The following NGFR variants were observed in gnomAD, a reference collection of about 807,000 sequenced individuals.
The protein encoded by NGFR is nerve growth factor receptor.
In NGFR, 30 loss-of-function variants were observed where a neutral mutation model predicts 43.2. That is an observed-to-expected ratio of 0.69 (90% CI 0.52 to 0.94). The LOEUF is 0.94. Among genes scored for constraint, NGFR ranks in the 40% least tolerant of loss-of-function variants. The probability of loss-of-function intolerance (pLI) is 0.00; values close to 1 mark genes in which losing one functional copy is unlikely to be tolerated. For missense variants in NGFR, 529 were observed against 602.5 expected (o/e 0.88, Z 1.28); for synonymous variants, 246 against 259.6 (o/e 0.95, Z 0.50).
intron 1 of NGFR, chr17:49,496,228 CGAGAA>C (rs2071137388): frequency 6.6e-6 from 1 of 152,314 alleles, no homozygotes; most frequent in African/African-American, 2.4e-5. Context: ...GACAGTGAGA[CGAGAA>C]GAGAGAGCAG....
intron 1 of NGFR, 25 bp from the exon 2 acceptor site, chr17:49,502,038 G>A: frequency 8.1e-7 from 1 of 1,241,966 alleles, no homozygotes; most frequent in Non-Finnish European, 1.0e-6. Flanking sequence ...TTGCCAGTCT[G>A]ACCCTCCGAT....
At chr17:49,503,094 A>G (rs1014271374) in intron 2 of NGFR, among the ~76,000 whole-genome samples, 2 of 152,004 alleles carry the variant, frequency 1.3e-5, no homozygotes, top group Non-Finnish European at 2.9e-5. Flanking sequence ...TAATTCTTGT[A>G]TTTGTAGTAG....
chr17:49,495,673 T>G lies in NGFR; in HGVS notation c.66+190T>G. 2.1e-6 allele frequency: 1 copy of G among 466,262 alleles called. No homozygotes were observed. The highest frequency in any genetic ancestry group is 2.0e-5 in the African/African-American group (1 of 49,626). The allele number at this position is 466,262 out of a possible 1,614,324, so 28.9% of individuals were successfully genotyped here. A position where few individuals can be genotyped will look rare whatever the true frequency, so the allele number is the denominator to read the frequency against. Reference sequence around the variant, plus strand: ...GGTTCCCGGAGCGCAGAGGCGACTCTCCAGGGTGGAGATGAGGGCAAGACC... The same window carrying G: ...GGTTCCCGGAGCGCAGAGGCGACTCGCCAGGGTGGAGATGAGGGCAAGACC... On this transcript the variant is annotated intron_variant, in intron 1 of 5. Coordinates refer to ENST00000172229, the MANE Select transcript of NGFR (RefSeq NM_002507.4). This position sits in a 1 kb window ranked among gnomAD's most constrained non-coding sequence, Gnocchi z 6.4.
At chr17:49,501,692 A>C (rs898981776) in intron 1 of NGFR, among the ~76,000 whole-genome samples, 3 of 152,172 alleles carry the variant, frequency 2.0e-5, no homozygotes, top group Non-Finnish European at 1.5e-5. Flanking sequence ...GCCCTGTGCA[A>C]GCTACAACCT....
At position 49,508,537 on chromosome 17, in the gene NGFR, G is replaced by A. The variant is rs189967008; in HGVS notation, c.569-1875G>A. ...GTTTTGTTGCCCCCTCCCCTCCAGCGTACCATACTTTCCCCGCATTTACTT... is the reference window on the plus strand; with the variant it reads ...GTTTTGTTGCCCCCTCCCCTCCAGCATACCATACTTTCCCCGCATTTACTT... On this transcript the variant is annotated intron_variant, in intron 3 of 5. Transcript: ENST00000172229. 5.0e-3 allele frequency among the ~76,000 whole-genome samples: 763 copies of A among 152,212 alleles called. 10 individuals are homozygous for A. Among genetic ancestry groups the A allele is most frequent in the Non-Finnish European group, 6.1e-3 (414 of 68,010 alleles).
chr17:49,497,249 G>A (rs1225337854), intron 1 of NGFR: 1 of 152,332 alleles, frequency 6.6e-6, no homozygotes, highest in African/African-American at 2.4e-5. Context: ...TCCGGGTGCG[G>A]GCCCCAGCCC....
rs969318368 is a variant in NGFR at position 49,513,073 on chromosome 17, T to C, written c.*64T>C. The C allele has an allele frequency of 3.5e-6, 5 of 1,436,614 alleles. No homozygotes were observed. In the African/African-American group the frequency reaches 7.1e-5, roughly 20 times the overall value. The allele number at this position is 1,436,614 out of a possible 1,614,324, so 89.0% of individuals were successfully genotyped here. A position where few individuals can be genotyped will look rare whatever the true frequency, so the allele number is the denominator to read the frequency against. ...CAACCGATGCTCCAGCCAACCCCTG[T>C]GGAGCCCGCACCCCCACCCTTTGGG... On this transcript the variant is annotated 3_prime_UTR_variant, in exon 6 of 6. Coordinates refer to ENST00000172229, the MANE Select transcript of NGFR (RefSeq NM_002507.4).
At chr17:49,505,648 C>T (rs2071192133) in intron 2 of NGFR, 1 of 152,364 alleles carries the variant, frequency 6.6e-6, no homozygotes. Context: ...TGAGTGTGGG[C>T]TAAGAGCCAG....
intron 1 of NGFR, 64 bp from the exon 2 acceptor site, chr17:49,501,999 A>AT: frequency 1.5e-5 from 5 of 330,984 alleles, no homozygotes; most frequent in Admixed American, 3.5e-5. Context: ...TCCCCGGAAG[A>AT]ACCCCCCCCA....
At position 49,510,317 on chromosome 17, in the gene NGFR, C is replaced by G. The variant is rs1015740349; in HGVS notation, c.569-95C>G. The G allele has an allele frequency of 1.9e-6, 3 of 1,539,368 alleles. No homozygotes were observed. In the African/African-American group the frequency reaches 4.1e-5, roughly 21 times the overall value. On this transcript the variant is annotated intron_variant, in intron 3 of 5. Coordinates refer to ENST00000172229, the MANE Select transcript of NGFR (RefSeq NM_002507.4). ...AGCTGGGCACAAGAGCACCTGGAGC[C>G]AGGGCGGGGACACAGGAAGAACACG...
At chr17:49,496,575 AG>A in intron 1 of NGFR, 1 of 152,340 alleles carries the variant, frequency 6.6e-6, no homozygotes, top group Non-Finnish European at 1.5e-5. Flanking sequence ...GGCGGCAGGC[AG>A]GGGGCGCTGC....
chr17:49,502,825 T>C (rs548499628), intron 2 of NGFR, among the ~76,000 whole-genome samples: 18 of 126,616 alleles, frequency 1.4e-4, no homozygotes, highest in African/African-American at 5.4e-4. Flanking sequence ...TCTTCCTTCC[T>C]TCCTTCCTTC....
In NGFR at chr17:49,514,083, T is replaced by G. The variant is rs2071253440; in HGVS notation, c.*1074T>G. On this transcript the variant is annotated 3_prime_UTR_variant, in exon 6 of 6. Transcript: ENST00000172229. ...ACACACACACACAGGAGGAGAAATCTCACTTTTCTCCATGAGTTTTTTCTC... is the reference window on the plus strand; with the variant it reads ...ACACACACACACAGGAGGAGAAATCGCACTTTTCTCCATGAGTTTTTTCTC... The G allele has an allele frequency of 6.6e-6, 1 of 152,334 alleles. No homozygotes were observed. The highest frequency in any genetic ancestry group is 1.5e-5 in the Non-Finnish European group (1 of 68,178). The allele number at this position is 152,334 out of a possible 1,614,324, so 9.4% of individuals were successfully genotyped here.
Position 49,510,586 on chromosome 17 carries a change from C to T in NGFR, c.743C>T (p.Thr248Ile), listed in dbSNP as rs1222717212. 6.2e-7 allele frequency: 1 copy of T among 1,614,132 alleles called. No individual in the cohort carries two copies. The highest frequency in any genetic ancestry group is 8.5e-7 in the Non-Finnish European group (1 of 1,180,014). ...SSQPVVTRGT[T>I]DNLIPVYCSI... is the part of the protein sequence containing the mutation. The stretch of plus-strand genomic sequence containing the variant: ...CAGCCCGTGGTGACCCGAGGCACCA[C>T]CGACAACCTCATCCCTGTCTATTGC... Residue 248 changes from threonine to isoleucine, a missense_variant, in exon 4 of 6, where the codon ACC (threonine) becomes ATC (isoleucine). Coordinates refer to ENST00000172229, the MANE Select transcript of NGFR (RefSeq NM_002507.4).
At position 49,514,964 on chromosome 17, in the gene NGFR, C is replaced by G. The variant is rs540796960; in HGVS notation, c.*1955C>G. The G allele has an allele frequency of 6.6e-6, 1 of 152,186 alleles. No homozygotes were observed. Among genetic ancestry groups the G allele is most frequent in the South Asian group, 2.1e-4 (1 of 4,822 alleles). The allele number at this position is 152,186 out of a possible 1,614,324, so 9.4% of individuals were successfully genotyped here. Reference sequence around the variant, plus strand: ...TTCTTGGGCCCTCCTGAAACTTACACACAAAACGTTAAGTGATGAACATTA... The same window carrying G: ...TTCTTGGGCCCTCCTGAAACTTACAGACAAAACGTTAAGTGATGAACATTA... On this transcript the variant is annotated 3_prime_UTR_variant, in exon 6 of 6. Transcript: ENST00000172229.
At chr17:49,502,588 G>C (rs1027705448) in intron 2 of NGFR, among the ~76,000 whole-genome samples, 41 of 152,270 alleles carry the variant, frequency 2.7e-4, no homozygotes, top group Admixed American at 2.2e-3. Context: ...TGTGTTTGGG[G>C]GAAGGGAGAG....
chr17:49,498,488 C>T (rs2071151047), intron 1 of NGFR, among the ~76,000 whole-genome samples: 3 of 152,164 alleles, frequency 2.0e-5, no homozygotes, highest in Admixed American at 2.0e-4. Flanking sequence ...TGGCGGTGAC[C>T]ACGGCCCCAT....
Position 49,506,488 on chromosome 17 carries a change from G to T in NGFR, c.398G>T (p.Gly133Val). Residue 133 changes from glycine (G) to valine (V), a missense_variant, in exon 3 of 6, where the codon GGC becomes GTC. Coordinates refer to ENST00000172229, the MANE Select transcript of NGFR (RefSeq NM_002507.4). The part of the protein sequence containing the change: ...EACRVCEAGS[G>V]LVFSCQDKQN... Reference sequence around the variant, plus strand: ...TGCCGCGTGTGCGAGGCGGGCTCGGGCCTCGTGTTCTCCTGCCAGGACAAG... The same window carrying T: ...TGCCGCGTGTGCGAGGCGGGCTCGGTCCTCGTGTTCTCCTGCCAGGACAAG... 6.2e-7 allele frequency: 1 copy of T among 1,610,810 alleles called. No individual in the cohort carries two copies.
chr17:49,510,317 C>T, intron 3 of NGFR, 95 bp from the exon 4 acceptor site: 1 of 1,539,368 alleles, frequency 6.5e-7, no homozygotes, highest in South Asian at 1.2e-5. Context: ...CACCTGGAGC[C>T]AGGGCGGGGA....
Sources: allele counts gnomAD v4.1 joint callset (sites outside exome capture counted in the v4.1 genomes callset), GRCh38; gene constraint gnomAD v4.1.1; non-coding constraint Gnocchi (gnomAD v3.1); transcripts MANE v1.5; gene names NCBI Gene and HGNC (gene_info 2026-07-23, HGNC 2026-07-21).